Variants in ANKFY1 observed in about 807,000 individuals in gnomAD.
The protein encoded by ANKFY1 is ankyrin repeat and FYVE domain containing 1, also known as ankyrin repeat and FYVE domain-containing protein 1.
ANKFY1 carries 47 observed loss-of-function variants against 128.3 expected under a neutral mutation model. That is an observed-to-expected ratio of 0.37 (90% confidence interval 0.29 to 0.47). The LOEUF is 0.47. Ranked by LOEUF, ANKFY1 falls within the 20% of genes least tolerant of loss-of-function variation. The pLI is 1.00. For missense variants in ANKFY1, 1,222 were observed against 1,510.6 expected, an observed-to-expected ratio of 0.81 and a Z score of 3.17; for synonymous variants, 553 against 601.6, an observed-to-expected ratio of 0.92 and a Z score of 1.18.
intron 3 of ANKFY1, chr17:4,222,325 CTTTA>C (rs998404205): frequency 2.8e-5 from 21 of 739,882 alleles, no homozygotes; most frequent in African/African-American, 2.6e-4. Flanking sequence ...TGATGCAGAA[CTTTA>C]TTATGTGACA....
rs1045774283 is a variant in ANKFY1 at position 4,179,992 on chromosome 17, G to A, written c.2241-115C>T. ...CAATCCAACAGCGTCTGCTGTGGCCGGGTCTGCTGTCCTTGGTCCCTGGCC... is the reference window on the plus strand; with the variant it reads ...CAATCCAACAGCGTCTGCTGTGGCCAGGTCTGCTGTCCTTGGTCCCTGGCC... On this transcript the variant is annotated intron_variant, in intron 16 of 24. Transcript: ENST00000341657. 2.2e-5 allele frequency: 29 copies of A among 1,319,386 alleles called. No homozygotes were observed. In the African/African-American group the frequency reaches 2.9e-4, roughly 13 times the overall value. The allele number at this position is 1,319,386 out of a possible 1,614,324, so 81.7% of individuals were successfully genotyped here.
Position 4,178,878 on chromosome 17 carries a change from T to C in ANKFY1, c.2577A>G (p.Arg859=). The change falls in exon 18 of 25, where the codon CGA becomes CGG. Residue 859 remains arginine (R), a synonymous_variant. Transcript: ENST00000341657. The surrounding 1 kb of genome is among the most constrained non-coding windows in gnomAD (Gnocchi z 4.1). ...NNKSAEAILK[R]ESGAAEQVDN... ...TCACCTGCTCAGCAGCCCCGGACTCTCGTTTGAGAATGGCCTCGGCTGACT... is the reference window on the plus strand; with the variant it reads ...TCACCTGCTCAGCAGCCCCGGACTCCCGTTTGAGAATGGCCTCGGCTGACT... 1.2e-6 allele frequency: 2 copies of C among 1,614,228 alleles called. No individual in the cohort carries two copies. Among genetic ancestry groups the C allele is most frequent in the Non-Finnish European group, 1.7e-6 (2 of 1,180,038 alleles).
chr17:4,241,275 C>CTTT (rs1168854084), intron 2 of ANKFY1, among the ~76,000 whole-genome samples: 7 of 14,938 alleles, frequency 4.7e-4, no homozygotes, highest in African/African-American at 8.8e-4. Flanking sequence ...TCTTCTTCTT[C>CTTT]TTTTTTTTTT....
intron 1 of ANKFY1, among the ~76,000 whole-genome samples, chr17:4,251,912 T>C (rs1477565216): frequency 6.6e-6 from 1 of 151,922 alleles, no homozygotes; most frequent in Non-Finnish European, 1.5e-5. Context: ...CGTGCGCCTG[T>C]AGTCCCAGCT....
rs552937865 is a variant in ANKFY1 at position 4,184,245 on chromosome 17, C to T, written c.1700-335G>A. 2.6e-5 allele frequency among the ~76,000 whole-genome samples: 4 copies of T among 152,306 alleles called. No homozygotes were observed. In the South Asian group the frequency reaches 8.3e-4, roughly 32 times the overall value. ...CGCAATCTTAAAACTTTCCCTCCTACAGTCTTAAAACTTCTGTGAGGACCA... is the reference window on the plus strand; with the variant it reads ...CGCAATCTTAAAACTTTCCCTCCTATAGTCTTAAAACTTCTGTGAGGACCA... On this transcript the variant is annotated intron_variant, in intron 12 of 24. Transcript: ENST00000341657.
intron 10 of ANKFY1, among the ~76,000 whole-genome samples, chr17:4,190,523 C>T (rs2143007972): frequency 6.6e-6 from 1 of 152,152 alleles, no homozygotes; most frequent in East Asian, 1.9e-4. Context: ...GGCTGAAAAC[C>T]ACTTGGCTGG....
At chr17:4,211,974 G>C (rs1445778067) in intron 4 of ANKFY1, among the ~76,000 whole-genome samples, 29 of 152,266 alleles carry the variant, frequency 1.9e-4, no homozygotes, top group African/African-American at 7.0e-4. Flanking sequence ...AGGCAAATAG[G>C]TCTCTGGTAG....
At chr17:4,168,094 A>C in intron 24 of ANKFY1, 183 bp from the exon 25 acceptor site, 1 of 583,870 alleles carries the variant, frequency 1.7e-6, no homozygotes, top group South Asian at 2.8e-5. Flanking sequence ...TGAAAACAAA[A>C]CTCTAGTCAA....
intron 11 of ANKFY1, chr17:4,187,633 G>C (rs987045180): frequency 9.8e-6 from 2 of 203,876 alleles, no homozygotes; most frequent in East Asian, 1.1e-4. Context: ...AACAACAGCG[G>C]GTAGACAATG....
At chr17:4,203,390 T>C (rs142918706) in intron 7 of ANKFY1, among the ~76,000 whole-genome samples, 26 of 152,350 alleles carry the variant, frequency 1.7e-4, no homozygotes, top group African/African-American at 6.3e-4. Flanking sequence ...AATATTTCTT[T>C]CAATGCAGCT....
intron 8 of ANKFY1, among the ~76,000 whole-genome samples, chr17:4,196,888 G>A (rs893670733): frequency 6.6e-5 from 10 of 152,228 alleles, no homozygotes; most frequent in Admixed American, 1.3e-4. Context: ...GGGAGACCGA[G>A]GTGGGCAGAT....
intron 1 of ANKFY1, among the ~76,000 whole-genome samples, chr17:4,262,039 G>A (rs1195907936): frequency 2.0e-5 from 3 of 152,196 alleles, no homozygotes; most frequent in East Asian, 1.9e-4. Flanking sequence ...CAAAAACTGG[G>A]TGCCTGCCGG....
chr17:4,193,865 T>C, intron 10 of ANKFY1, among the ~76,000 whole-genome samples: 1 of 151,362 alleles, frequency 6.6e-6, no homozygotes, highest in Middle Eastern at 3.2e-3. Context: ...GTTCAAGCAA[T>C]TCTCCTACCT....
Position 4,179,844 on chromosome 17 carries a change from G to T in ANKFY1, c.2274C>A (p.Gly758=). 6.2e-7 allele frequency: 1 copy of T among 1,614,168 alleles called. No homozygotes were observed. Among genetic ancestry groups the T allele is most frequent in the Non-Finnish European group, 8.5e-7 (1 of 1,180,032 alleles). The change falls in exon 17 of 25, where the codon GGC becomes GGA. Residue 758 remains glycine (G), a synonymous_variant. Transcript: ENST00000341657. ...CCTCTTCCTCTCCTTCTCCATTGGC[G>T]CCTGGTTGTCTGGGACTGTTCACGT... The part of the protein sequence containing the change: ...GCDVNSPRQP[G]ANGEGEEEAR...
chr17:4,164,015 C>A lies in ANKFY1; in HGVS notation c.*3764G>T, dbSNP rs928674615. 2.0e-5 allele frequency: 3 copies of A among 152,662 alleles called. No homozygotes were observed. Among genetic ancestry groups the A allele is most frequent in the African/African-American group, 7.2e-5 (3 of 41,458 alleles). The allele number at this position is 152,662 out of a possible 1,614,324, so 9.5% of individuals were successfully genotyped here. On this transcript the variant is annotated 3_prime_UTR_variant, in exon 25 of 25. Coordinates refer to ENST00000341657, the MANE Select transcript of ANKFY1 (RefSeq NM_001330063.2). ...ACTCCAAAGAAACAATGCTGATAAG[C>A]GCCGTGGTCCTCTATGATACCATCA...
At chr17:4,186,229 T>C (rs879452929) in intron 11 of ANKFY1, 5 of 152,400 alleles carry the variant, frequency 3.3e-5, no homozygotes, top group Non-Finnish European at 7.3e-5. Flanking sequence ...TGCACCACTC[T>C]GCCTGCAGTA....
At chr17:4,254,008 T>C (rs1231240861) in intron 1 of ANKFY1, among the ~76,000 whole-genome samples, 4 of 152,066 alleles carry the variant, frequency 2.6e-5, no homozygotes, top group Non-Finnish European at 5.9e-5. Flanking sequence ...CATGTATCCT[T>C]GTAAGAGGGA....
rs2059172167 is a variant in ANKFY1, at chr17:4,164,194, A to G, written c.*3585T>C. The G allele has an allele frequency of 6.6e-6, 1 of 152,620 alleles. No individual in the cohort carries two copies. The highest frequency in any genetic ancestry group is 1.5e-5 in the Non-Finnish European group (1 of 68,048). The allele number at this position is 152,620 out of a possible 1,614,324, so 9.5% of individuals were successfully genotyped here. ...CACATCTGCCAAAAAAGAGCAAGTC[A>G]TCAAGGCGAGCAGTCTCGACTCAAG... On this transcript the variant is annotated 3_prime_UTR_variant, in exon 25 of 25. Coordinates refer to ENST00000341657, the MANE Select transcript of ANKFY1 (RefSeq NM_001330063.2).
chr17:4,219,368 T>C (rs988094173), intron 3 of ANKFY1, among the ~76,000 whole-genome samples: 2 of 152,176 alleles, frequency 1.3e-5, no homozygotes, highest in Non-Finnish European at 2.9e-5. Context: ...TGATAACTGA[T>C]TGGAAATCTG....
Sources: gnomAD v4.1 joint callset for allele counts (sites outside exome capture counted in the v4.1 genomes callset) on GRCh38, gnomAD v4.1.1 for gene constraint, Gnocchi (gnomAD v3.1) non-coding constraint, MANE v1.5 for transcripts, NCBI Gene and HGNC (gene_info 2026-07-23, HGNC 2026-07-21) for gene names.